The following SRPX2 variants were observed in gnomAD, a reference collection of about 807,000 sequenced individuals.
The protein encoded by SRPX2 is sushi repeat containing protein X-linked 2.
In SRPX2, 26 loss-of-function variants were observed where a neutral mutation model predicts 45.3. The observed-to-expected ratio is 0.57, with a 90% CI of 0.42 to 0.80. The LOEUF is 0.80. SRPX2 is among the 30% of genes least tolerant of loss of function. The probability of loss-of-function intolerance (pLI) is 0.00; values close to 1 mark genes in which losing one functional copy is unlikely to be tolerated. For missense variants in SRPX2, 355 were observed against 399.8 expected, an observed-to-expected ratio of 0.89 and a Z score of 0.95; for synonymous variants, 125 against 143.7, an observed-to-expected ratio of 0.87 and a Z score of 0.93.
At position 100,674,558 on chromosome X, in the gene SRPX2, G is replaced by C. The variant is rs2083247861; in HGVS notation, c.*3571G>C. 1 of 112,198 alleles carries C rather than the reference G, an allele frequency of 8.9e-6. No homozygotes were observed. The highest frequency in any genetic ancestry group is 1.9e-5 in the Non-Finnish European group (1 of 53,213). The allele number at this position is 112,198 out of a possible 1,213,427, so 9.2% of individuals were successfully genotyped here. ...AGGGGGGTGGGAAACAAAAGAGCAA[G>C]TTACAGCCCGGGATCCCAAGTTATG... is the stretch of plus-strand genomic sequence containing the variant. On this transcript the variant is annotated 3_prime_UTR_variant, in exon 11 of 11. Transcript: ENST00000373004.
In SRPX2 at chrX:100,672,024, G is replaced by T. The variant is rs1440234662; in HGVS notation, c.*1037G>T. ...GGAAACTTCAAAACCACCACTGCAG[G>T]TCGTAGGGAAAGAAAAGAAAAACAG... On this transcript the variant is annotated 3_prime_UTR_variant, in exon 11 of 11. Transcript: ENST00000373004. 2 of 111,547 alleles carry T rather than the reference G, an allele frequency of 1.8e-5. No homozygotes were observed. Among genetic ancestry groups the T allele is most frequent in the Non-Finnish European group, 3.8e-5 (2 of 53,276 alleles). The allele number at this position is 111,547 out of a possible 1,213,427, so 9.2% of individuals were successfully genotyped here.
At position 100,653,888 on chromosome X, in the gene SRPX2, G is replaced by A. The variant is rs991585683; in HGVS notation, c.163+3023G>A. Among the ~76,000 whole-genome samples the A allele has an allele frequency of 1.1e-4, 12 of 112,189 alleles. No homozygotes were observed. The South Asian group carries it at 1.8e-3, about 17-fold the overall frequency. ...TTTGACTGTATTTAACTGTATTTGTGTATTTAACTGTTTTTAACTGTATTT... is the reference window on the plus strand; with the variant it reads ...TTTGACTGTATTTAACTGTATTTGTATATTTAACTGTTTTTAACTGTATTT... On this transcript the variant is annotated intron_variant, in intron 3 of 10. Transcript: ENST00000373004.
chrX:100,671,437 C>T lies in SRPX2; in HGVS notation c.*450C>T, dbSNP rs1439960722. ...GAGGGGTGGGTAGCAGGGTACAAAA[C>T]ATCCTTTTTTTTTTTTTTTTGAGAC... On this transcript the variant is annotated 3_prime_UTR_variant, in exon 11 of 11. Transcript: ENST00000373004. 2 of 99,886 alleles carry T rather than the reference C, an allele frequency of 2.0e-5. No individual in the cohort carries two copies. Among genetic ancestry groups the T allele is most frequent in the African/African-American group, 9.4e-5 (2 of 21,385 alleles). 8.2% of individuals were successfully genotyped at this position (99,886 alleles called of 1,213,427 possible).
chrX:100,666,772 T>C lies in SRPX2; in HGVS notation c.800T>C (p.Leu267Pro). The change falls in exon 8 of 11, where the codon CTG (leucine) becomes CCG (proline). Residue 267 changes from leucine to proline, a missense_variant. Coordinates refer to ENST00000373004, the MANE Select transcript of SRPX2 (RefSeq NM_014467.3). ...CTGACAGTGAGACGCTGCCCAACTC[T>C]GAAACCTCCGCAGCACGGCTACCTC... ...VKVQVRRCPT[L>P]KPPQHGYLTC... 1 of 1,212,175 alleles carries C rather than the reference T, an allele frequency of 8.2e-7. No individual in the cohort carries two copies. Among genetic ancestry groups the C allele is most frequent in the South Asian group, 1.8e-5 (1 of 57,017 alleles).
In SRPX2 at chrX:100,667,292, A is replaced by G. The variant is rs121918363; in HGVS notation, c.980A>G (p.Asn327Ser). 1,054 of 1,209,994 alleles carry G rather than the reference A, an allele frequency of 8.7e-4. 2 individuals are homozygous for G. Among genetic ancestry groups the G allele is most frequent in the Non-Finnish European group, 1.1e-3 (1,013 of 895,273 alleles). The change falls in exon 9 of 11, where the codon AAC becomes AGC. Residue 327 changes from asparagine (N) to serine (S), a missense_variant. Asn to Ser is a conservative substitution (Grantham distance 46). Transcript: ENST00000373004. ...GCCCTAGCTATGAAGATTAACGTCAACGTCAACTCAGCTGCTGGTCTCTTG... is the reference window on the plus strand; with the variant it reads ...GCCCTAGCTATGAAGATTAACGTCAGCGTCAACTCAGCTGCTGGTCTCTTG... ...PICAPMKINV[N>S]VNSAAGLLDQ...
chrX:100,672,154 T>G lies in SRPX2; in HGVS notation c.*1167T>G, dbSNP rs1300104703. 1 of 112,609 alleles carries G rather than the reference T, an allele frequency of 8.9e-6. No homozygotes were observed. The highest frequency in any genetic ancestry group is 1.9e-5 in the Non-Finnish European group (1 of 53,307). 9.3% of individuals were successfully genotyped at this position (112,609 alleles called of 1,213,427 possible). On this transcript the variant is annotated 3_prime_UTR_variant, in exon 11 of 11. Transcript: ENST00000373004. ...GCACAAAATCAAGCCTTACCAGGCC[T>G]AAAATTCGAGGTGGAGCCACACACA...
chrX:100,667,796 C>T (rs901227449), intron 9 of SRPX2, among the ~76,000 whole-genome samples: 1 of 112,337 alleles, frequency 8.9e-6, no homozygotes, highest in African/African-American at 3.2e-5. Flanking sequence ...CAGTACTGAT[C>T]TATGGGTTTT....
chrX:100,653,351 T>C (rs1602718345), intron 3 of SRPX2, among the ~76,000 whole-genome samples: 1 of 111,795 alleles, frequency 8.9e-6, no homozygotes, highest in Non-Finnish European at 1.9e-5. Flanking sequence ...TCACCTCTAA[T>C]AGGTCCTGTC....
At chrX:100,657,912 G>A (rs2083175887) in intron 3 of SRPX2, among the ~76,000 whole-genome samples, 1 of 112,858 alleles carries the variant, frequency 8.9e-6, no homozygotes, top group South Asian at 3.7e-4. Flanking sequence ...ACAGGCGTGA[G>A]CCACTGCGCC....
Position 100,665,388 on chromosome X carries a change from T to C in SRPX2, c.659+19T>C, listed in dbSNP as rs2083201300. ...TCACCAGGTGAGCCTGAATAATGGA[T>C]GCCCCTTATGCCTTCCCTCGGCTTC... is the stretch of plus-strand genomic sequence containing the variant. On this transcript the variant is annotated intron_variant, in intron 6 of 10. Transcript: ENST00000373004. 1 of 1,207,440 alleles carries C rather than the reference T, an allele frequency of 8.3e-7. No homozygotes were observed. Among genetic ancestry groups the C allele is most frequent in the Non-Finnish European group, 1.1e-6 (1 of 892,928 alleles).
In SRPX2 at chrX:100,664,903, T is replaced by A; in HGVS notation, c.485T>A (p.Ile162Asn). The A allele has an allele frequency of 1.7e-6, 2 of 1,211,154 alleles. No homozygotes were observed. Among genetic ancestry groups the A allele is most frequent in the Non-Finnish European group, 1.1e-6 (1 of 895,365 alleles). The change falls in exon 5 of 11, where the codon ATC (isoleucine) becomes AAC (asparagine). Residue 162 changes from isoleucine to asparagine, a missense_variant. Physicochemically the swap from Ile to Asn is moderately radical, Grantham distance 149. Transcript: ENST00000373004. The part of the protein sequence containing the change: ...GYHLEGDRSR[I>N]CMEDGRWSGG... ...CACCTGGAAGGTGATCGCAGCCGAATCTGCATGGAAGATGGGAGATGGAGT... is the reference window on the plus strand; with the variant it reads ...CACCTGGAAGGTGATCGCAGCCGAAACTGCATGGAAGATGGGAGATGGAGT...
intron 4 of SRPX2, 102 bp downstream of exon 4, chrX:100,662,469 C>G: frequency 2.1e-6 from 2 of 950,053 alleles, no homozygotes; most frequent in Non-Finnish European, 3.0e-6. Context: ...ATGCCCTTCT[C>G]TCAAGTACAA....
chrX:100,665,390 C>T (rs376537281), intron 6 of SRPX2, 21 bp downstream of exon 6: 9 of 1,207,275 alleles, frequency 7.5e-6, no homozygotes, highest in African/African-American at 6.9e-5. Flanking sequence ...ATAATGGATG[C>T]CCCTTATGCC....
chrX:100,669,121 C>T (rs1602726313), intron 9 of SRPX2, 127 bp from the exon 10 acceptor site: 7 of 907,036 alleles, frequency 7.7e-6, no homozygotes, highest in Non-Finnish European at 8.0e-6. Context: ...AGTGTGATTG[C>T]GTGATCATTG....
intron 7 of SRPX2, among the ~76,000 whole-genome samples, chrX:100,666,085 T>C (rs1411466784): frequency 8.9e-6 from 1 of 112,379 alleles, no homozygotes; most frequent in Non-Finnish European, 1.9e-5. Flanking sequence ...TAATTCATGC[T>C]TATTGTTGAA....
chrX:100,649,029 G>A (rs1047333535), intron 2 of SRPX2, among the ~76,000 whole-genome samples: 8 of 112,465 alleles, frequency 7.1e-5, no homozygotes, highest in African/African-American at 2.3e-4. Flanking sequence ...CTACCCTGCT[G>A]ACATGTTATG....
chrX:100,658,095 G>A (rs2147645096), intron 3 of SRPX2, among the ~76,000 whole-genome samples: 1 of 112,611 alleles, frequency 8.9e-6, no homozygotes, highest in East Asian at 2.8e-4. Context: ...TTGTTTTGCT[G>A]TGCAGGAGCT....
At chrX:100,644,839 C>T (rs181200819) in intron 1 of SRPX2, among the ~76,000 whole-genome samples, 88 of 111,381 alleles carry the variant, frequency 7.9e-4, no homozygotes, top group Non-Finnish European at 1.2e-3. Flanking sequence ...TGCTCCAGAA[C>T]GAAGGAACTG....
rs1244141963 is a variant in SRPX2 at position 100,671,006 on chromosome X, T to A, written c.*19T>A. On this transcript the variant is annotated 3_prime_UTR_variant, in exon 11 of 11. Coordinates refer to ENST00000373004, the MANE Select transcript of SRPX2 (RefSeq NM_014467.3). ...CGAGTGAACTTGAGCCAGGGCATGG[T>A]TAAAGTCAAGGGAAAAGCTCCTCTA... The A allele has an allele frequency of 1.7e-6, 2 of 1,198,711 alleles. No homozygotes were observed. The highest frequency in any genetic ancestry group is 2.3e-6 in the Non-Finnish European group (2 of 888,225).
Sources: gnomAD v4.1 joint callset for allele counts (sites outside exome capture counted in the v4.1 genomes callset) on GRCh38, gnomAD v4.1.1 for gene constraint, MANE v1.5 for transcripts, NCBI Gene and HGNC (gene_info 2026-07-23, HGNC 2026-07-21) for gene names.